The following NRXN1 variants were observed in gnomAD, a reference collection of about 807,000 sequenced individuals.
NRXN1 encodes the protein neurexin-1.
In NRXN1, 39 loss-of-function variants were observed where a neutral mutation model predicts 150.9. The ratio of observed to expected loss-of-function variants is 0.26; its 90% CI spans 0.20 to 0.34. NRXN1 has a LOEUF of 0.34. NRXN1 is among the 10% of genes least tolerant of loss of function. The probability of loss-of-function intolerance (pLI) is 1.00; values close to 1 mark genes in which losing one functional copy is unlikely to be tolerated. For missense variants in NRXN1, 1,815 were observed against 1,949.9 expected, an observed-to-expected ratio of 0.93 and a Z score of 1.30; for synonymous variants, 924 against 757.0, an observed-to-expected ratio of 1.22 and a Z score of -3.62.
In NRXN1 at chr2:51,028,192, C is replaced by T; in HGVS notation, c.82G>A (p.Gly28Ser). 6.7e-7 allele frequency: 1 copy of T among 1,493,664 alleles called. No homozygotes were observed. Among genetic ancestry groups the T allele is most frequent in the African/African-American group, 1.4e-5 (1 of 71,698 alleles). The allele number at this position is 1,493,664 out of a possible 1,614,324, so 92.5% of individuals were successfully genotyped here. ...GCGCCCGGAAACTCCAGCCCGCTGC[C>T]CAGCTCCGCCCAGCAGCCCAGGAGC... ...LLLLGCWAEL[G>S]SGLEFPGAEG... Residue 28 changes from glycine (G) to serine (S), a missense_variant, in exon 2 of 23, where the codon GGC becomes AGC. Transcript: ENST00000401669.
rs958121160 is a variant in NRXN1 at position 49,919,977 on chromosome 2, C to A, written c.*1967G>T. The stretch of plus-strand genomic sequence containing the variant: ...CTAATTGGAAAGATATTCTTCTCTT[C>A]TACAAAATTTTTTATCGTTCTTTTA... On this transcript the variant is annotated 3_prime_UTR_variant, in exon 23 of 23. Transcript: ENST00000401669. The A allele has an allele frequency of 6.6e-6, 1 of 152,052 alleles. No homozygotes were observed. Among genetic ancestry groups the A allele is most frequent in the African/African-American group, 2.4e-5 (1 of 41,408 alleles). The allele number at this position is 152,052 out of a possible 1,614,324, so 9.4% of individuals were successfully genotyped here.
intron 21 of NRXN1, among the ~76,000 whole-genome samples, chr2:50,050,103 C>T (rs898962081): frequency 4.6e-5 from 7 of 150,830 alleles, no homozygotes; most frequent in South Asian, 2.1e-4. Context: ...ATATAAATCA[C>T]ATCTTCCTAA....
At chr2:50,109,588 T>C (rs934363814) in intron 18 of NRXN1, among the ~76,000 whole-genome samples, 2 of 149,902 alleles carry the variant, frequency 1.3e-5, no homozygotes, top group African/African-American at 5.0e-5. Flanking sequence ...TTTTAAAGGA[T>C]CCTTAAAAAA....
intron 5 of NRXN1, among the ~76,000 whole-genome samples, chr2:50,718,778 G>C (rs1048702053): frequency 6.6e-6 from 1 of 151,948 alleles, no homozygotes; most frequent in African/African-American, 2.4e-5. Context: ...AGAGAACTAT[G>C]GAAAATAGCA....
intron 8 of NRXN1, among the ~76,000 whole-genome samples, chr2:50,588,451 G>C (rs978733910): frequency 6.6e-6 from 1 of 152,056 alleles, no homozygotes; most frequent in African/African-American, 2.4e-5. Flanking sequence ...TATAAACATT[G>C]TGACAGTATA....
At chr2:50,259,990 C>T (rs982186861) in intron 17 of NRXN1, among the ~76,000 whole-genome samples, 11 of 151,762 alleles carry the variant, frequency 7.2e-5, no homozygotes, top group Non-Finnish European at 1.5e-4. Context: ...GTTATCTGCA[C>T]TTCTTGTACC....
At chr2:50,467,866 CTTAGTTCT>C (rs1424258629) in intron 16 of NRXN1, among the ~76,000 whole-genome samples, 1 of 151,376 alleles carries the variant, frequency 6.6e-6, no homozygotes, top group Non-Finnish European at 1.5e-5. Flanking sequence ...CTAAACTCAA[CTTAGTTCT>C]TTGTAGTAAA....
intron 5 of NRXN1, among the ~76,000 whole-genome samples, chr2:50,810,198 C>A (rs984588178): frequency 6.6e-6 from 1 of 152,078 alleles, no homozygotes; most frequent in African/African-American, 2.4e-5. Context: ...TAATTCCAAG[C>A]ATTTCTTTAA....
intron 18 of NRXN1, among the ~76,000 whole-genome samples, chr2:50,122,492 A>G (rs1703999560): frequency 6.6e-6 from 1 of 152,208 alleles, no homozygotes; most frequent in Non-Finnish European, 1.5e-5. Context: ...TGGTAACCCT[A>G]TCCCCACTTG....
In NRXN1 at chr2:50,608,279, T is replaced by C. The variant is rs536844946; in HGVS notation, c.1320+11743A>G. 5.0e-4 allele frequency among the ~76,000 whole-genome samples: 76 copies of C among 152,310 alleles called. 1 individual carries two copies. The highest frequency in any genetic ancestry group is 1.8e-3 in the African/African-American group (74 of 41,562). On this transcript the variant is annotated intron_variant, in intron 8 of 22. Coordinates refer to ENST00000401669, the MANE Select transcript of NRXN1 (RefSeq NM_001330078.2). ...AATGATGACAATATAATATGGTGGT[T>C]GACGTACTCTAGCTCAGTGATTTTC...
intron 5 of NRXN1, among the ~76,000 whole-genome samples, chr2:50,629,144 C>T (rs1681759750): frequency 6.6e-6 from 1 of 151,654 alleles, no homozygotes; most frequent in Admixed American, 6.6e-5. Flanking sequence ...AAAAAATACA[C>T]ATATCATCAG....
At chr2:50,771,699 G>A (rs556728890) in intron 5 of NRXN1, among the ~76,000 whole-genome samples, 2 of 152,114 alleles carry the variant, frequency 1.3e-5, no homozygotes, top group Non-Finnish European at 2.9e-5. Context: ...TTTCCGTGAA[G>A]GAAGTATTTA....
At chr2:50,282,949 C>A (rs1299996706) in intron 17 of NRXN1, among the ~76,000 whole-genome samples, 1 of 152,116 alleles carries the variant, frequency 6.6e-6, no homozygotes, top group African/African-American at 2.4e-5. Flanking sequence ...GAACATAGAT[C>A]TCTTTTACCA....
intron 17 of NRXN1, among the ~76,000 whole-genome samples, chr2:50,244,033 C>T (rs757964612): frequency 6.6e-6 from 1 of 151,780 alleles, no homozygotes; most frequent in Non-Finnish European, 1.5e-5. Context: ...TACCTATTGG[C>T]CCAAAACTTT....
At chr2:50,751,502 T>A (rs751103189) in intron 5 of NRXN1, among the ~76,000 whole-genome samples, 1 of 151,970 alleles carries the variant, frequency 6.6e-6, no homozygotes, top group Non-Finnish European at 1.5e-5. Flanking sequence ...GTTATAAGCC[T>A]GCCAGAAAAC....
At chr2:50,026,159 A>T (rs765661229) in intron 21 of NRXN1, among the ~76,000 whole-genome samples, 2 of 152,200 alleles carry the variant, frequency 1.3e-5, no homozygotes, top group Non-Finnish European at 2.9e-5. Context: ...TCATGTTTCT[A>T]CCATCCCAAG....
At position 50,347,858 on chromosome 2, in the gene NRXN1, C is replaced by G; in HGVS notation, c.3365-110888G>C. ...GCTCGGATGCAATGCAGAGGACGAGCCTATGTAACGAGGGAGGCTGGTCTA... is the reference window on the plus strand; with the variant it reads ...GCTCGGATGCAATGCAGAGGACGAGGCTATGTAACGAGGGAGGCTGGTCTA... On this transcript the variant is annotated intron_variant, in intron 17 of 22. Coordinates refer to ENST00000401669, the MANE Select transcript of NRXN1 (RefSeq NM_001330078.2). This position sits in a 1 kb window ranked among gnomAD's most constrained non-coding sequence, Gnocchi z 4.9. 1 of 985,404 alleles carries G rather than the reference C, an allele frequency of 1.0e-6. No homozygotes were observed. The highest frequency in any genetic ancestry group is 4.7e-5 in the South Asian group (1 of 21,290). 61.0% of individuals were successfully genotyped at this position (985,404 alleles called of 1,614,324 possible). A position where few individuals can be genotyped will look rare whatever the true frequency, so the allele number is the denominator to read the frequency against.
chr2:50,795,090 TAGG>T (rs949580090), intron 5 of NRXN1, among the ~76,000 whole-genome samples: 1 of 152,148 alleles, frequency 6.6e-6, no homozygotes, highest in Non-Finnish European at 1.5e-5. Context: ...TAGTAGTTAG[TAGG>T]AGATCATGGA....
intron 5 of NRXN1, among the ~76,000 whole-genome samples, chr2:50,858,821 G>A (rs1675657068): frequency 6.6e-6 from 1 of 152,008 alleles, no homozygotes; most frequent in Non-Finnish European, 1.5e-5. Context: ...ATCTAGAACA[G>A]AACCCACCTG....
Sources: gnomAD v4.1 joint callset for allele counts (sites outside exome capture counted in the v4.1 genomes callset) on GRCh38, gnomAD v4.1.1 for gene constraint, Gnocchi (gnomAD v3.1) non-coding constraint, MANE v1.5 for transcripts, NCBI Gene and HGNC (gene_info 2026-07-23, HGNC 2026-07-21) for gene names.